STK10: variants seen among roughly 807,000 people sequenced by gnomAD.
STK10 encodes the protein serine/threonine kinase 10.
A neutral mutation model predicts 113.8 loss-of-function variants in STK10; 78 were observed. The ratio of observed to expected loss-of-function variants is 0.69; its 90% confidence interval spans 0.57 to 0.83. STK10 has a LOEUF of 0.83. Ranked by LOEUF, STK10 falls within the 40% of genes least tolerant of loss-of-function variation. The probability of loss-of-function intolerance (pLI) is 0.00; values close to 1 mark genes in which losing one functional copy is unlikely to be tolerated. For synonymous variants in STK10, 465 were observed against 494.7 expected, an observed-to-expected ratio of 0.94 and a Z score of 0.80; for missense variants, 1,109 against 1,280.1, an observed-to-expected ratio of 0.87 and a Z score of 2.04.
intron 13 of STK10, among the ~76,000 whole-genome samples, chr5:172,063,146 A>C (rs1767971962): frequency 6.6e-6 from 1 of 151,928 alleles, no homozygotes; most frequent in Admixed American, 6.6e-5. Context: ...GCTACTTGGG[A>C]GGCTGAGGCA....
intron 4 of STK10, chr5:172,114,978 A>G (rs1769343121): frequency 1.3e-5 from 2 of 152,374 alleles, no homozygotes; most frequent in Non-Finnish European, 2.9e-5. Flanking sequence ...CCATCCCTCA[A>G]GCTTCTGCCT....
chr5:172,168,934 C>T (rs1321032816), intron 1 of STK10, among the ~76,000 whole-genome samples: 2 of 152,142 alleles, frequency 1.3e-5, no homozygotes, highest in Non-Finnish European at 2.9e-5. Flanking sequence ...GACAAGCTAA[C>T]GCAGGAGCTC....
At chr5:172,117,875 C>T (rs1404157272) in intron 3 of STK10, among the ~76,000 whole-genome samples, 1 of 151,692 alleles carries the variant, frequency 6.6e-6, no homozygotes, top group African/African-American at 2.4e-5. Flanking sequence ...TAGCTGGGCA[C>T]GGTGGCAGGC....
At position 172,087,764 on chromosome 5, in the gene STK10, G is replaced by A. The variant is rs1768605120; in HGVS notation, c.1685+2468C>T. The stretch of plus-strand genomic sequence containing the variant: ...CTGCCTCAGCCTCCCGAGTAGCTGG[G>A]ACTACAGGCGCCCGCCACCGCGCCC... On this transcript the variant is annotated intron_variant, in intron 10 of 18. Coordinates refer to ENST00000176763, the MANE Select transcript of STK10 (RefSeq NM_005990.4). Among the ~76,000 whole-genome samples, 7 of 132,994 alleles carry A rather than the reference G, an allele frequency of 5.3e-5. 1 individual carries two copies. The South Asian group carries it at 1.6e-3, about 31-fold the overall frequency. 87.2% of individuals were successfully genotyped at this position (132,994 alleles called of 152,430 possible).
chr5:172,141,259 C>G (rs1013706231), intron 2 of STK10, among the ~76,000 whole-genome samples: 4 of 152,122 alleles, frequency 2.6e-5, no homozygotes, highest in African/African-American at 4.8e-5. Flanking sequence ...GGTAGTCTCA[C>G]GCTAAGTGTT....
chr5:172,117,367 C>T (rs917719846), intron 4 of STK10, 114 bp downstream of exon 4: 22 of 1,229,842 alleles, frequency 1.8e-5, no homozygotes, highest in Middle Eastern at 2.8e-4. Context: ...AGGGCGTAGG[C>T]GTGAGGACCC....
chr5:172,160,582 T>C (rs1393041270), intron 1 of STK10, among the ~76,000 whole-genome samples: 1 of 152,112 alleles, frequency 6.6e-6, no homozygotes, highest in East Asian at 1.9e-4. Context: ...ATGAACATAT[T>C]ATAGCTTAGT....
intron 1 of STK10, among the ~76,000 whole-genome samples, chr5:172,168,426 G>A (rs2113830478): frequency 6.6e-6 from 1 of 152,282 alleles, no homozygotes; most frequent in Admixed American, 6.5e-5. Flanking sequence ...ACAGAGCCGG[G>A]GTGGCCAGCT....
Position 172,133,631 on chromosome 5 carries a change from G to A in STK10, c.322-6210C>T, listed in dbSNP as rs1769799592. ...AAGCACACAACTCTGATGGTTGCAG[G>A]AAACCATGTTGCAACCACGAGAGAA... On this transcript the variant is annotated intron_variant, in intron 2 of 18. Transcript: ENST00000176763. This position sits in a 1 kb window ranked among gnomAD's most constrained non-coding sequence, Gnocchi z 4.9. 6.6e-6 allele frequency among the ~76,000 whole-genome samples: 1 copy of A among 152,186 alleles called. No homozygotes were observed. The highest frequency in any genetic ancestry group is 2.4e-5 in the African/African-American group (1 of 41,436).
chr5:172,061,326 C>T, intron 13 of STK10, 58 bp from the exon 14 acceptor site: 1 of 1,539,936 alleles, frequency 6.5e-7, no homozygotes. Flanking sequence ...ACCTCCATGT[C>T]TCTTCCTATT....
intron 2 of STK10, among the ~76,000 whole-genome samples, chr5:172,138,548 C>T (rs115749939): frequency 4.9e-4 from 74 of 152,148 alleles, no homozygotes; most frequent in African/African-American, 1.6e-3. Flanking sequence ...AAAAATCAAC[C>T]GTGTTTCTAC....
chr5:172,080,851 T>C (rs994909966), intron 12 of STK10, among the ~76,000 whole-genome samples: 1 of 152,266 alleles, frequency 6.6e-6, no homozygotes, highest in African/African-American at 2.4e-5. Context: ...TGAAAGTGGC[T>C]GCACTAAACA....
At position 172,188,031 on chromosome 5, in the gene STK10, G is replaced by T; in HGVS notation, c.12C>A (p.Ala4=). The T allele has an allele frequency of 6.2e-7, 1 of 1,612,660 alleles. No homozygotes were observed. Among genetic ancestry groups the T allele is most frequent in the Non-Finnish European group, 8.5e-7 (1 of 1,179,558 alleles). The change falls in exon 1 of 19, where the codon GCC becomes GCA. Residue 4 remains alanine (A), a synonymous_variant. Coordinates refer to ENST00000176763, the MANE Select transcript of STK10 (RefSeq NM_005990.4). The surrounding 1 kb of genome is among the most constrained non-coding windows in gnomAD (Gnocchi z 5.6). ...ACAGGCGCAGGATGCGGCGGAAATT[G>T]GCAAAAGCCATGGCCGGGGGCGCGG... The part of the protein sequence containing the change: MAF[A]NFRRILRLST...
At chr5:172,081,536 A>G (rs1768429655) in intron 12 of STK10, among the ~76,000 whole-genome samples, 1 of 152,016 alleles carries the variant, frequency 6.6e-6, no homozygotes, top group Admixed American at 6.6e-5. Flanking sequence ...TCCGAGGTAT[A>G]TCTGTGCCTA....
At chr5:172,159,654 T>A (rs551081914) in intron 1 of STK10, among the ~76,000 whole-genome samples, 1 of 151,652 alleles carries the variant, frequency 6.6e-6, no homozygotes, top group East Asian at 1.9e-4. Flanking sequence ...AAACCTCATT[T>A]CTACTAAAAT....
At chr5:172,183,484 T>C (rs1198166354) in intron 1 of STK10, among the ~76,000 whole-genome samples, 1 of 151,956 alleles carries the variant, frequency 6.6e-6, no homozygotes, top group Non-Finnish European at 1.5e-5. Flanking sequence ...AGACAGAGTT[T>C]CACTCTCTTG....
chr5:172,139,539 C>A (rs1769933355), intron 2 of STK10, among the ~76,000 whole-genome samples: 1 of 149,590 alleles, frequency 6.7e-6, no homozygotes, highest in South Asian at 2.1e-4. Flanking sequence ...AGAAATAAAA[C>A]CTTGACATAT....
intron 6 of STK10, among the ~76,000 whole-genome samples, 165 bp from the exon 7 acceptor site, chr5:172,105,902 A>G (rs1176081958): frequency 6.6e-6 from 1 of 152,172 alleles, no homozygotes; most frequent in Non-Finnish European, 1.5e-5. Flanking sequence ...CATCATGGAC[A>G]CCACTGTCCA....
At position 172,055,745 on chromosome 5, in the gene STK10, C is replaced by T. The variant is rs746379010; in HGVS notation, c.2369G>A (p.Arg790His). 43 of 1,553,276 alleles carry T rather than the reference C, an allele frequency of 2.8e-5. No individual in the cohort carries two copies. Among genetic ancestry groups the T allele is most frequent in the Admixed American group, 2.5e-4 (13 of 52,582 alleles). Residue 790 changes from arginine (R) to histidine (H), a missense_variant, in exon 16 of 19, where the codon CGC (arginine) becomes CAC (histidine). Arg to His is a conservative substitution (Grantham distance 29). Coordinates refer to ENST00000176763, the MANE Select transcript of STK10 (RefSeq NM_005990.4). ...EREQMQRYNQ[R>H]MIEQLKVRQQ... ...CCGCACCTTCAGCTGCTCTATCATG[C>T]GCTGGTTGTAGCGCTGCATCTGCTC...
Sources: gnomAD v4.1 joint callset for allele counts (sites outside exome capture counted in the v4.1 genomes callset) on GRCh38, gnomAD v4.1.1 for gene constraint, Gnocchi (gnomAD v3.1) non-coding constraint, MANE v1.5 for transcripts, NCBI Gene and HGNC (gene_info 2026-07-23, HGNC 2026-07-21) for gene names.